KCNIP4: variants seen among roughly 807,000 people sequenced by gnomAD.
KCNIP4 encodes the protein Kv channel-interacting protein 4.
KCNIP4 carries 12 observed loss-of-function variants against 34.0 expected under a neutral mutation model. The observed-to-expected ratio is 0.35, with a 90% CI of 0.23 to 0.57. KCNIP4 has a LOEUF of 0.57. Among genes scored for constraint, KCNIP4 ranks in the 20% least tolerant of loss-of-function variants. The pLI, the probability that KCNIP4 is intolerant of heterozygous loss-of-function variation, is 0.83. For synonymous variants in KCNIP4, 124 were observed against 102.2 expected (o/e 1.21, Z -1.29); for missense variants, 238 against 311.7 (o/e 0.76, Z 1.78).
At chr4:21,606,741 G>A (rs12506724) in intron 1 of KCNIP4, among the ~76,000 whole-genome samples, 8,775 of 152,112 alleles carry the variant, frequency 0.058, 348 homozygotes, top group Non-Finnish European at 0.088. Flanking sequence ...TAACAGGAGC[G>A]CATCACTACA....
At chr4:21,089,890 T>A (rs1403361145) in intron 1 of KCNIP4, among the ~76,000 whole-genome samples, 4 of 152,228 alleles carry the variant, frequency 2.6e-5, no homozygotes, top group Non-Finnish European at 5.9e-5. Flanking sequence ...ATACTGGTTG[T>A]CTATTCTATG....
At chr4:21,455,380 T>G (rs1034575648) in intron 1 of KCNIP4, among the ~76,000 whole-genome samples, 1 of 151,960 alleles carries the variant, frequency 6.6e-6, no homozygotes, top group African/African-American at 2.4e-5. Context: ...TTTCCTTTGC[T>G]TTGCTTTCCT....
At chr4:21,944,417 T>G (rs1304951254) in intron 1 of KCNIP4, among the ~76,000 whole-genome samples, 2 of 151,340 alleles carry the variant, frequency 1.3e-5, no homozygotes, top group Non-Finnish European at 2.9e-5. Flanking sequence ...TAGTCGGGCA[T>G]GGTGGCGGGT....
chr4:21,455,990 T>C (rs1192772979), intron 1 of KCNIP4, among the ~76,000 whole-genome samples: 4 of 145,526 alleles, frequency 2.7e-5, no homozygotes, highest in African/African-American at 8.2e-5. Flanking sequence ...TTTAATTCTA[T>C]ATCTAGTCCT....
At chr4:21,541,514 C>T (rs763937908) in intron 1 of KCNIP4, among the ~76,000 whole-genome samples, 3 of 152,166 alleles carry the variant, frequency 2.0e-5, no homozygotes, top group Non-Finnish European at 4.4e-5. Context: ...GTGCCACCTC[C>T]AGAGTCAGAT....
Position 21,604,756 on chromosome 4 carries a change from T to G in KCNIP4, c.61+343815A>C, listed in dbSNP as rs183396393. The stretch of plus-strand genomic sequence containing the variant: ...AGTTAGGATGAGATTTGATATCCTT[T>G]TTTTGGTACACTAAATTTAGACAAA... On this transcript the variant is annotated intron_variant, in intron 1 of 8. Transcript: ENST00000382152. 1.9e-3 allele frequency among the ~76,000 whole-genome samples: 284 copies of G among 152,344 alleles called. 2 individuals carry two copies. Among genetic ancestry groups the G allele is most frequent in the African/African-American group, 6.5e-3 (269 of 41,580 alleles).
intron 1 of KCNIP4, among the ~76,000 whole-genome samples, chr4:21,370,880 CACGT>C (rs1237714525): frequency 3.0e-5 from 2 of 65,776 alleles, no homozygotes; most frequent in African/African-American, 1.4e-4. Context: ...CACACACACA[CACGT>C]GTGTGTGTGT....
intron 1 of KCNIP4, among the ~76,000 whole-genome samples, chr4:21,333,048 A>G (rs1715812262): frequency 6.6e-6 from 1 of 151,872 alleles, no homozygotes; most frequent in Non-Finnish European, 1.5e-5. Flanking sequence ...AAGTCCTTTC[A>G]TTATTGGTTC....
intron 1 of KCNIP4, among the ~76,000 whole-genome samples, chr4:21,038,849 A>C (rs1157891790): frequency 1.3e-5 from 2 of 152,198 alleles, no homozygotes; most frequent in African/African-American, 4.8e-5. Flanking sequence ...AAGAGTTGAG[A>C]TTCCCAGCTG....
At chr4:21,872,344 A>C (rs1176668389) in intron 1 of KCNIP4, among the ~76,000 whole-genome samples, 1 of 152,144 alleles carries the variant, frequency 6.6e-6, no homozygotes, top group African/African-American at 2.4e-5. Flanking sequence ...CAGCGCTATG[A>C]GCCAGGATTT....
chr4:20,933,749 A>G (rs12641687), intron 1 of KCNIP4, among the ~76,000 whole-genome samples: 3 of 151,512 alleles, frequency 2.0e-5, no homozygotes, highest in African/African-American at 7.3e-5. Context: ...AAAGAAAAAA[A>G]AAAAAAGAAA....
chr4:21,345,108 G>A (rs1717159257), intron 1 of KCNIP4, among the ~76,000 whole-genome samples: 1 of 152,126 alleles, frequency 6.6e-6, no homozygotes, highest in Non-Finnish European at 1.5e-5. Flanking sequence ...TGTCACTTCT[G>A]AGTTTAGGTT....
chr4:21,319,464 T>C (rs1025049637), intron 1 of KCNIP4, among the ~76,000 whole-genome samples: 8 of 152,204 alleles, frequency 5.3e-5, no homozygotes, highest in African/African-American at 1.7e-4. Flanking sequence ...CCAGAATCTT[T>C]TCCTAGAAAC....
In KCNIP4 at chr4:21,267,095, T is replaced by C. The variant is rs181360200; in HGVS notation, c.62-384386A>G. Among the ~76,000 whole-genome samples the C allele has an allele frequency of 2.6e-5, 4 of 152,314 alleles. No homozygotes were observed. The East Asian group carries it at 7.7e-4, about 29-fold the overall frequency. The stretch of plus-strand genomic sequence containing the variant: ...GCTATGACCACTGTAAATAGAACGA[T>C]GTGATGCTTGATGAACACAATGGAT... On this transcript the variant is annotated intron_variant, in intron 1 of 8. Coordinates refer to ENST00000382152, the MANE Select transcript of KCNIP4 (RefSeq NM_025221.6).
chr4:20,816,203 G>A (rs1475195817), intron 3 of KCNIP4, among the ~76,000 whole-genome samples: 2 of 149,582 alleles, frequency 1.3e-5, no homozygotes, highest in East Asian at 2.0e-4. Context: ...CCAGTGATCC[G>A]AGATTGCACC....
intron 1 of KCNIP4, among the ~76,000 whole-genome samples, chr4:21,757,154 AGAAAGAAAGAAAGAAG>A (rs1717622218): frequency 3.7e-4 from 10 of 27,388 alleles, no homozygotes; most frequent in East Asian, 2.0e-3. Flanking sequence ...AAAGAAAGAA[AGAAAGAAAGAAAGAAG>A]GAAGGAAGGA....
At chr4:21,791,096 T>A (rs1409083083) in intron 1 of KCNIP4, among the ~76,000 whole-genome samples, 1 of 151,822 alleles carries the variant, frequency 6.6e-6, no homozygotes, top group Admixed American at 6.6e-5. Context: ...CAGTTTATTA[T>A]CAACAGAAAT....
At chr4:21,607,055 A>C (rs1209919043) in intron 1 of KCNIP4, among the ~76,000 whole-genome samples, 1 of 151,896 alleles carries the variant, frequency 6.6e-6, no homozygotes, top group Admixed American at 6.6e-5. Context: ...AATGTAGCAA[A>C]ATATATTAGT....
chr4:21,457,991 G>A (rs1242738550), intron 1 of KCNIP4, among the ~76,000 whole-genome samples: 2 of 149,584 alleles, frequency 1.3e-5, no homozygotes, highest in Non-Finnish European at 3.0e-5. Flanking sequence ...CTGATGACAT[G>A]GTAACACTTT....
Sources: gnomAD v4.1 joint callset for allele counts (sites outside exome capture counted in the v4.1 genomes callset) on GRCh38, gnomAD v4.1.1 for gene constraint, MANE v1.5 for transcripts, NCBI Gene and HGNC (gene_info 2026-07-23, HGNC 2026-07-21) for gene names.